Variants in ARHGAP28 observed in about 807,000 individuals in gnomAD.
ARHGAP28 encodes Rho GTPase activating protein 28, also known as rho GTPase-activating protein 28.
In ARHGAP28, 56 loss-of-function variants were observed where a neutral mutation model predicts 90.7. That is an observed-to-expected ratio of 0.62 (90% confidence interval 0.50 to 0.77). The LOEUF (loss-of-function observed/expected upper bound fraction) is 0.77, where lower values mean the gene tolerates loss of function less well. Among genes scored for constraint, ARHGAP28 ranks in the 30% least tolerant of loss-of-function variants. The pLI, the probability that ARHGAP28 is intolerant of heterozygous loss-of-function variation, is 0.00. For missense variants in ARHGAP28, 869 were observed against 900.9 expected (o/e 0.96, Z 0.45); for synonymous variants, 308 against 323.3 (o/e 0.95, Z 0.51).
chr18:6,829,185 G>T (rs2056696838), intron 2 of ARHGAP28, among the ~76,000 whole-genome samples: 5 of 152,148 alleles, frequency 3.3e-5, no homozygotes, highest in Admixed American at 3.3e-4. Context: ...CAGAAAGACA[G>T]GAAGACACAT....
intron 1 of ARHGAP28, among the ~76,000 whole-genome samples, chr18:6,802,407 G>A (rs1311077229): frequency 1.4e-5 from 2 of 141,298 alleles, no homozygotes; most frequent in Non-Finnish European, 3.0e-5. Context: ...GTGCAGTGGC[G>A]AAATCTCAGC....
chr18:6,851,742 C>T (rs546347391), intron 4 of ARHGAP28, among the ~76,000 whole-genome samples: 43 of 152,244 alleles, frequency 2.8e-4, no homozygotes, highest in African/African-American at 9.6e-4. Flanking sequence ...ACTGTTGATA[C>T]GCACAACACA....
chr18:6,830,901 T>G (rs564335298), intron 2 of ARHGAP28, among the ~76,000 whole-genome samples: 1 of 152,382 alleles, frequency 6.6e-6, no homozygotes, highest in African/African-American at 2.4e-5. Flanking sequence ...AATAATGCTG[T>G]TATGAGCAAT....
intron 12 of ARHGAP28, 74 bp from the exon 13 acceptor site, chr18:6,889,814 A>G: frequency 7.3e-7 from 1 of 1,361,870 alleles, no homozygotes; most frequent in Non-Finnish European, 1.0e-6. Context: ...GTGAATGGGA[A>G]TAGAATGAAT....
intron 1 of ARHGAP28, among the ~76,000 whole-genome samples, chr18:6,752,108 T>C (rs1384972793): frequency 6.6e-6 from 1 of 152,224 alleles, no homozygotes; most frequent in African/African-American, 2.4e-5. Flanking sequence ...CATTATTATA[T>C]GCACTTAATT....
intron 1 of ARHGAP28, among the ~76,000 whole-genome samples, chr18:6,786,838 G>A (rs1236691698): frequency 6.6e-6 from 1 of 151,906 alleles, no homozygotes; most frequent in African/African-American, 2.4e-5. Flanking sequence ...TCAGAGCTCA[G>A]CTTCTTACCA....
intron 16 of ARHGAP28, among the ~76,000 whole-genome samples, chr18:6,905,250 A>G (rs1199784370): frequency 2.0e-5 from 3 of 152,144 alleles, no homozygotes; most frequent in African/African-American, 7.2e-5. Flanking sequence ...TCAGGCATGC[A>G]AGGTTGATTT....
At chr18:6,787,815 G>A (rs1567947561) in intron 1 of ARHGAP28, among the ~76,000 whole-genome samples, 2 of 152,178 alleles carry the variant, frequency 1.3e-5, no homozygotes, top group East Asian at 3.8e-4. Flanking sequence ...AGGCACAAGA[G>A]ATTTCTTAAT....
chr18:6,880,033 A>C (rs1226012129), intron 10 of ARHGAP28, among the ~76,000 whole-genome samples: 1 of 152,174 alleles, frequency 6.6e-6, no homozygotes. Context: ...AGGTATGTGG[A>C]AAATGAATTT....
chr18:6,793,163 T>C (rs2056418131), intron 1 of ARHGAP28, among the ~76,000 whole-genome samples: 1 of 152,212 alleles, frequency 6.6e-6, no homozygotes, highest in African/African-American at 2.4e-5. Context: ...TTCTTCATAA[T>C]TAACACACTT....
chr18:6,746,508 C>T (rs1406342384), intron 1 of ARHGAP28, among the ~76,000 whole-genome samples: 2 of 152,184 alleles, frequency 1.3e-5, no homozygotes, highest in Non-Finnish European at 2.9e-5. Context: ...TTCTACTCCG[C>T]CTACTCATGA....
chr18:6,800,458 C>A (rs1036876488), intron 1 of ARHGAP28, among the ~76,000 whole-genome samples: 1 of 152,072 alleles, frequency 6.6e-6, no homozygotes, highest in African/African-American at 2.4e-5. Flanking sequence ...TGGAACCAAC[C>A]CAAATGCACA....
intron 17 of ARHGAP28, among the ~76,000 whole-genome samples, chr18:6,911,804 T>C (rs1391877713): frequency 6.6e-6 from 1 of 152,084 alleles, no homozygotes; most frequent in Non-Finnish European, 1.5e-5. Flanking sequence ...ATGTCTGCTT[T>C]CTTCCAAAAT....
intron 7 of ARHGAP28, among the ~76,000 whole-genome samples, chr18:6,872,839 T>A (rs955935723): frequency 2.0e-5 from 3 of 152,226 alleles, no homozygotes; most frequent in Non-Finnish European, 2.9e-5. Context: ...TTTTTAAGAA[T>A]TTGGAATCAT....
intron 14 of ARHGAP28, 74 bp from the exon 15 acceptor site, chr18:6,894,761 T>C: frequency 8.1e-7 from 1 of 1,239,714 alleles, no homozygotes. Flanking sequence ...ATAAAGATTG[T>C]ACCAGTTTAC....
chr18:6,795,014 A>C (rs1201123603), intron 1 of ARHGAP28, among the ~76,000 whole-genome samples: 1 of 152,156 alleles, frequency 6.6e-6, no homozygotes, highest in Admixed American at 6.5e-5. Flanking sequence ...TCTTAGATGC[A>C]TGAAGAAAAG....
At chr18:6,891,048 A>G (rs889465239) in intron 14 of ARHGAP28, among the ~76,000 whole-genome samples, 15 of 152,250 alleles carry the variant, frequency 9.9e-5, no homozygotes, top group African/African-American at 3.6e-4. Flanking sequence ...TTTTAGAAGA[A>G]TTAACTTTAC....
chr18:6,911,303 A>G (rs1355565591), intron 17 of ARHGAP28, among the ~76,000 whole-genome samples: 1 of 152,194 alleles, frequency 6.6e-6, no homozygotes, highest in Admixed American at 6.5e-5. Flanking sequence ...CCATTCCTAA[A>G]ATGAACTTGA....
chr18:6,810,271 C>A (rs1206064401), intron 1 of ARHGAP28, among the ~76,000 whole-genome samples: 1 of 152,092 alleles, frequency 6.6e-6, no homozygotes, highest in African/African-American at 2.4e-5. Flanking sequence ...AAGTTCTTGC[C>A]TTCAGGAGAG....
Sources: gnomAD v4.1 joint callset for allele counts (sites outside exome capture counted in the v4.1 genomes callset) on GRCh38, gnomAD v4.1.1 for gene constraint, MANE v1.5 for transcripts, NCBI Gene and HGNC (gene_info 2026-07-23, HGNC 2026-07-21) for gene names.